SUCLG2: variants seen among roughly 807,000 people sequenced by gnomAD.
SUCLG2 encodes the protein succinate-CoA ligase GDP-forming subunit beta, also known as succinate--CoA ligase [GDP-forming] subunit beta, mitochondrial.
In SUCLG2, 42 loss-of-function variants were observed where a neutral mutation model predicts 47.9. That is an observed-to-expected ratio of 0.88 (90% CI 0.69 to 1.14). SUCLG2 has a LOEUF of 1.14. Ranked by LOEUF, SUCLG2 falls within the 50% of genes most tolerant of loss-of-function variation. The probability of loss-of-function intolerance (pLI) is 0.00; values close to 1 mark genes in which losing one functional copy is unlikely to be tolerated. For missense variants in SUCLG2, 571 were observed against 525.9 expected (o/e 1.09, Z -0.84); for synonymous variants, 195 against 197.3 (o/e 0.99, Z 0.10).
chr3:67,604,998 GTC>G (rs1213820053), intron 2 of SUCLG2, among the ~76,000 whole-genome samples: 4 of 152,082 alleles, frequency 2.6e-5, no homozygotes, highest in African/African-American at 7.2e-5. Context: ...GATGTCTCTG[GTC>G]TCTCTGTGAG....
intron 9 of SUCLG2, among the ~76,000 whole-genome samples, chr3:67,452,950 T>C (rs1179685361): frequency 6.6e-6 from 1 of 152,198 alleles, no homozygotes; most frequent in African/African-American, 2.4e-5. Context: ...AAGGAGCCTC[T>C]GGTATTATTT....
intron 6 of SUCLG2, among the ~76,000 whole-genome samples, chr3:67,509,888 C>A (rs1705738459): frequency 6.6e-6 from 1 of 152,170 alleles, no homozygotes. Flanking sequence ...CTCTTACAGG[C>A]TGAGTTTTCT....
At chr3:67,443,915 T>G (rs1703843411) in intron 9 of SUCLG2, among the ~76,000 whole-genome samples, 2 of 87,026 alleles carry the variant, frequency 2.3e-5, no homozygotes, top group African/African-American at 3.8e-5. Flanking sequence ...ATCTGGGAAG[T>G]GAGGAGCGTC....
intron 9 of SUCLG2, among the ~76,000 whole-genome samples, chr3:67,480,172 C>G (rs1300538415): frequency 6.6e-6 from 1 of 152,052 alleles, no homozygotes; most frequent in Non-Finnish European, 1.5e-5. Flanking sequence ...GTATGTGAAA[C>G]AGGACTTTCT....
chr3:67,483,625 C>T (rs916486941), intron 9 of SUCLG2, among the ~76,000 whole-genome samples: 1 of 152,250 alleles, frequency 6.6e-6, no homozygotes, highest in Admixed American at 6.5e-5. Flanking sequence ...ATGTATTTCA[C>T]TCACTGCTTT....
chr3:67,562,932 T>C (rs1444917035), intron 2 of SUCLG2, among the ~76,000 whole-genome samples: 3 of 152,014 alleles, frequency 2.0e-5, no homozygotes, highest in Non-Finnish European at 4.4e-5. Context: ...TATCTTTTAA[T>C]ACCGTAATTT....
intron 10 of SUCLG2, among the ~76,000 whole-genome samples, chr3:67,397,023 C>G (rs374968618): frequency 0.071 from 10,788 of 151,194 alleles, 358 homozygotes; most frequent in Middle Eastern, 0.15. Flanking sequence ...GGACGTATCT[C>G]AAAATAATAA....
chr3:67,401,000 G>C (rs969886566), intron 9 of SUCLG2, 149 bp from the exon 10 acceptor site: 7 of 1,137,684 alleles, frequency 6.2e-6, no homozygotes, highest in Non-Finnish European at 8.5e-6. Flanking sequence ...AAATGGCCCA[G>C]AACATGTTAA....
At chr3:67,365,687 C>T (rs993685877) in intron 10 of SUCLG2, among the ~76,000 whole-genome samples, 12 of 152,192 alleles carry the variant, frequency 7.9e-5, no homozygotes, top group Admixed American at 3.3e-4. Flanking sequence ...TGACTAAGCA[C>T]GTGATAAAAA....
At chr3:67,649,170 G>C (rs1701242967) in intron 1 of SUCLG2, among the ~76,000 whole-genome samples, 1 of 152,190 alleles carries the variant, frequency 6.6e-6, no homozygotes, top group Admixed American at 6.5e-5. Context: ...AGAGGGAATA[G>C]TTCTGCAGAC....
intron 1 of SUCLG2, among the ~76,000 whole-genome samples, chr3:67,632,175 G>A (rs1284986482): frequency 6.6e-6 from 1 of 152,024 alleles, no homozygotes; most frequent in Non-Finnish European, 1.5e-5. Flanking sequence ...AAATTCTACA[G>A]GGAAAATCCA....
intron 9 of SUCLG2, among the ~76,000 whole-genome samples, chr3:67,404,767 A>G (rs1490741795): frequency 6.6e-6 from 1 of 152,180 alleles, no homozygotes; most frequent in Non-Finnish European, 1.5e-5. Context: ...GTAATCTGCA[A>G]TCTCAAACTG....
intron 9 of SUCLG2, among the ~76,000 whole-genome samples, chr3:67,435,592 G>T (rs1230547685): frequency 1.3e-5 from 2 of 152,112 alleles, no homozygotes; most frequent in Non-Finnish European, 2.9e-5. Context: ...GGATTAAAAA[G>T]AATACACATT....
chr3:67,388,739 C>T (rs1183710983), intron 10 of SUCLG2, among the ~76,000 whole-genome samples: 1 of 152,172 alleles, frequency 6.6e-6, no homozygotes, highest in Admixed American at 6.5e-5. Flanking sequence ...TAGCTCTGCT[C>T]ACTTTCATTG....
chr3:67,555,098 C>T (rs1267912517), intron 2 of SUCLG2, among the ~76,000 whole-genome samples: 2 of 151,990 alleles, frequency 1.3e-5, no homozygotes, highest in Non-Finnish European at 2.9e-5. Flanking sequence ...ACTGATCACA[C>T]TGATTAATAA....
intron 2 of SUCLG2, among the ~76,000 whole-genome samples, chr3:67,601,811 G>A (rs1222436939): frequency 1.3e-5 from 2 of 151,896 alleles, no homozygotes; most frequent in Non-Finnish European, 2.9e-5. Flanking sequence ...GCGAAACCCC[G>A]TGTCTATTAA....
chr3:67,392,611 G>A (rs1468810349), intron 10 of SUCLG2, among the ~76,000 whole-genome samples: 1 of 152,148 alleles, frequency 6.6e-6, no homozygotes, highest in African/African-American at 2.4e-5. Context: ...TTACCTTAGA[G>A]AAAACGTCCT....
chr3:67,440,204 T>C (rs1340648326), intron 9 of SUCLG2, among the ~76,000 whole-genome samples: 1 of 152,168 alleles, frequency 6.6e-6, no homozygotes, highest in African/African-American at 2.4e-5. Flanking sequence ...CTGGACTCCT[T>C]CCTTACACTT....
intron 9 of SUCLG2, among the ~76,000 whole-genome samples, chr3:67,454,541 G>GT (rs1011169794): frequency 6.6e-6 from 1 of 152,038 alleles, no homozygotes; most frequent in African/African-American, 2.4e-5. Context: ...AGAGATATAT[G>GT]TAGCTATACA....
Sources: gnomAD v4.1 joint callset for allele counts (sites outside exome capture counted in the v4.1 genomes callset) on GRCh38, gnomAD v4.1.1 for gene constraint, MANE v1.5 for transcripts, NCBI Gene and HGNC (gene_info 2026-07-23, HGNC 2026-07-21) for gene names.